FAM107B: variants seen among roughly 807,000 people sequenced by gnomAD.
The protein encoded by FAM107B is family with sequence similarity 107 member B.
Under a neutral mutation model 31.5 loss-of-function variants are expected in FAM107B, and 21 were observed. The observed-to-expected ratio is 0.67, with a 90% confidence interval of 0.47 to 0.96. The LOEUF (loss-of-function observed/expected upper bound fraction) is 0.96. FAM107B is among the 40% of genes least tolerant of loss of function. FAM107B has a pLI of 0.00. For missense variants in FAM107B, 452 were observed against 377.1 expected (o/e 1.20, Z -1.64); for synonymous variants, 157 against 141.5 (o/e 1.11, Z -0.78).
At chr10:14,618,264 T>C (rs1763676347) in intron 2 of FAM107B, among the ~76,000 whole-genome samples, 1 of 152,210 alleles carries the variant, frequency 6.6e-6, no homozygotes, top group South Asian at 2.1e-4. Flanking sequence ...TTCCAAGTGG[T>C]ATTCCATTGT....
intron 1 of FAM107B, among the ~76,000 whole-genome samples, chr10:14,737,060 G>C (rs1856316171): frequency 6.6e-6 from 1 of 152,154 alleles, no homozygotes; most frequent in Non-Finnish European, 1.5e-5. Context: ...AAGGGAAGGA[G>C]AAATGAAGGA....
chr10:14,597,456 C>G (rs1852225033), intron 2 of FAM107B, among the ~76,000 whole-genome samples: 1 of 152,180 alleles, frequency 6.6e-6, no homozygotes, highest in Admixed American at 6.5e-5. Context: ...TACTATGACA[C>G]TTTAGGAACA....
At chr10:14,741,987 T>G (rs1856451123) in intron 1 of FAM107B, among the ~76,000 whole-genome samples, 1 of 152,134 alleles carries the variant, frequency 6.6e-6, no homozygotes, top group South Asian at 2.1e-4. Context: ...GTGCTGGGAT[T>G]ACAGGCATGA....
At chr10:14,577,632 C>G (rs1055154051) in intron 2 of FAM107B, among the ~76,000 whole-genome samples, 4 of 152,186 alleles carry the variant, frequency 2.6e-5, no homozygotes, top group African/African-American at 9.7e-5. Flanking sequence ...CCCAAGATGG[C>G]AGGAGAGGCC....
At chr10:14,549,306 C>G (rs1336951356) in intron 2 of FAM107B, among the ~76,000 whole-genome samples, 1 of 152,222 alleles carries the variant, frequency 6.6e-6, no homozygotes, top group African/African-American at 2.4e-5. Context: ...GTTAACTACT[C>G]TGGATCCCAG....
chr10:14,583,569 T>A (rs1851724519), intron 2 of FAM107B, among the ~76,000 whole-genome samples: 1 of 152,114 alleles, frequency 6.6e-6, no homozygotes, highest in Admixed American at 6.5e-5. Flanking sequence ...TTAATTTTTT[T>A]AAAAAGTGGT....
At chr10:14,581,248 C>T (rs1269482696) in intron 2 of FAM107B, among the ~76,000 whole-genome samples, 1 of 152,198 alleles carries the variant, frequency 6.6e-6, no homozygotes, top group Non-Finnish European at 1.5e-5. Flanking sequence ...CTCTGCAGCA[C>T]ATTTGGCCCA....
intron 2 of FAM107B, among the ~76,000 whole-genome samples, chr10:14,537,686 A>C (rs10906691): frequency 0.15 from 22,551 of 151,794 alleles, 1,870 homozygotes; most frequent in Non-Finnish European, 0.19. Context: ...AAAAATACAA[A>C]AAGTTGGGTG....
rs61842693 is a variant in FAM107B, at chr10:14,573,497, C to A, written c.470-42982G>T. On this transcript the variant is annotated intron_variant, in intron 2 of 4. Coordinates refer to ENST00000181796, the MANE Select transcript of FAM107B (RefSeq NM_031453.4). ...ATCCCAGCACTTTGGGAGGCCAAGG[C>A]AGGAGGATCACTTGAGGTCAGGAGC... 7.3e-3 allele frequency among the ~76,000 whole-genome samples: 1,075 copies of A among 148,272 alleles called. 8 individuals are homozygous for A. The highest frequency in any genetic ancestry group is 0.011 in the Non-Finnish European group (773 of 67,612).
rs1205872694 is a variant in FAM107B, at chr10:14,658,605, G to C, written c.469+9029C>G. Among the ~76,000 whole-genome samples the C allele has an allele frequency of 2.0e-5, 3 of 152,220 alleles. No individual in the cohort carries two copies. The East Asian group carries it at 5.8e-4, about 29-fold the overall frequency. The stretch of plus-strand genomic sequence containing the variant: ...CTACATAGTCCAAGAATTGTGCGAG[G>C]AGCTGGGGGCAGAAAACAAAGAGAA... On this transcript the variant is annotated intron_variant, in intron 2 of 4. Transcript: ENST00000181796.
intron 2 of FAM107B, among the ~76,000 whole-genome samples, chr10:14,577,534 T>G (rs1851503764): frequency 6.6e-6 from 1 of 152,254 alleles, no homozygotes; most frequent in Admixed American, 6.5e-5. Context: ...AAATTGTTTC[T>G]TTTTAAAAAC....
At chr10:14,692,556 C>G (rs969045501) in intron 1 of FAM107B, among the ~76,000 whole-genome samples, 1 of 152,088 alleles carries the variant, frequency 6.6e-6, no homozygotes, top group African/African-American at 2.4e-5. Context: ...CATTGATGCC[C>G]TCATAAAAAT....
At chr10:14,761,538 G>C (rs967802507) in intron 1 of FAM107B, among the ~76,000 whole-genome samples, 2 of 152,058 alleles carry the variant, frequency 1.3e-5, no homozygotes, top group Non-Finnish European at 2.9e-5. Context: ...AGATTTTCTG[G>C]GTTTTGCCAC....
At chr10:14,774,002 G>T (rs1010738371) in intron 1 of FAM107B, among the ~76,000 whole-genome samples, 3 of 152,140 alleles carry the variant, frequency 2.0e-5, no homozygotes, top group Non-Finnish European at 4.4e-5. Flanking sequence ...AGGCACCCTA[G>T]CCCGTTAATT....
chr10:14,537,728 G>A (rs778526958), intron 2 of FAM107B, among the ~76,000 whole-genome samples: 13 of 151,668 alleles, frequency 8.6e-5, no homozygotes, highest in Non-Finnish European at 5.9e-5. Context: ...CCAGCTACTC[G>A]GGAGGCTGAG....
intron 2 of FAM107B, among the ~76,000 whole-genome samples, chr10:14,642,073 A>G (rs1297866009): frequency 6.6e-6 from 1 of 152,250 alleles, no homozygotes; most frequent in East Asian, 1.9e-4. Context: ...TGGGACAGGC[A>G]TAAGATAAAT....
intron 2 of FAM107B, among the ~76,000 whole-genome samples, chr10:14,550,018 G>A (rs1346603560): frequency 6.6e-6 from 1 of 152,166 alleles, no homozygotes; most frequent in Non-Finnish European, 1.5e-5. Flanking sequence ...TGGAAAGGAG[G>A]CTGTTTTAGA....
chr10:14,768,222 CA>C (rs1161773516), intron 1 of FAM107B, among the ~76,000 whole-genome samples: 2 of 152,122 alleles, frequency 1.3e-5, no homozygotes, highest in Non-Finnish European at 2.9e-5. Flanking sequence ...CAATACTGCT[CA>C]AATATATCTA....
chr10:14,677,407 G>T (rs950058403), intron 1 of FAM107B, among the ~76,000 whole-genome samples: 4 of 152,142 alleles, frequency 2.6e-5, no homozygotes, highest in Non-Finnish European at 5.9e-5. Flanking sequence ...AGATCACGAG[G>T]TCAGGAGATT....
Sources: gnomAD v4.1 joint callset for allele counts (sites outside exome capture counted in the v4.1 genomes callset) on GRCh38, gnomAD v4.1.1 for gene constraint, MANE v1.5 for transcripts, NCBI Gene and HGNC (gene_info 2026-07-23, HGNC 2026-07-21) for gene names.